SNTG2: variants seen among roughly 807,000 people sequenced by gnomAD.
SNTG2 encodes syntrophin gamma 2, also known as gamma-2-syntrophin.
A neutral mutation model predicts 70.9 loss-of-function variants in SNTG2; 74 were observed. The observed-to-expected ratio is 1.04, with a 90% confidence interval of 0.86 to 1.27. The LOEUF (loss-of-function observed/expected upper bound fraction) is 1.27. Ranked by LOEUF, SNTG2 falls within the 50% of genes most tolerant of loss-of-function variation. The pLI is 0.00. For missense variants in SNTG2, 717 were observed against 690.7 expected (o/e 1.04, Z -0.43); for synonymous variants, 278 against 273.8 (o/e 1.02, Z -0.15).
intron 1 of SNTG2, among the ~76,000 whole-genome samples, chr2:970,513 G>A (rs1200381222): frequency 1.4e-4 from 20 of 142,986 alleles, no homozygotes; most frequent in East Asian, 8.2e-4. Flanking sequence ...GTGAGAATAC[G>A]CGGTGTTTGG....
At chr2:1,216,709 G>C (rs1226816307) in intron 9 of SNTG2, among the ~76,000 whole-genome samples, 1 of 152,200 alleles carries the variant, frequency 6.6e-6, no homozygotes, top group Non-Finnish European at 1.5e-5. Flanking sequence ...GAGTCCCTCT[G>C]GGTCCTTGTG....
chr2:1,296,449 C>T (rs950071383), intron 14 of SNTG2, among the ~76,000 whole-genome samples: 5 of 152,232 alleles, frequency 3.3e-5, no homozygotes, highest in Admixed American at 1.3e-4. Flanking sequence ...TGCTGGTGAG[C>T]ACGCCGCTAC....
chr2:1,194,246 G>C (rs72768818), intron 8 of SNTG2, among the ~76,000 whole-genome samples: 3,779 of 152,288 alleles, frequency 0.025, 164 homozygotes, highest in African/African-American at 0.084. Context: ...TGGTCAGGAT[G>C]GGGGGAGAAG....
At chr2:1,168,349 G>T (rs57651769) in intron 7 of SNTG2, among the ~76,000 whole-genome samples, 7 of 151,374 alleles carry the variant, frequency 4.6e-5, no homozygotes, top group African/African-American at 1.5e-4. Context: ...CTAACAGAGC[G>T]CCCTGGAACA....
At chr2:1,110,882 C>T (rs536897574) in intron 4 of SNTG2, among the ~76,000 whole-genome samples, 9 of 152,314 alleles carry the variant, frequency 5.9e-5, no homozygotes, top group Non-Finnish European at 7.4e-5. Flanking sequence ...CTATTTTAGA[C>T]GGTTGAACCT....
intron 4 of SNTG2, among the ~76,000 whole-genome samples, chr2:1,132,626 G>A (rs1268203775): frequency 6.6e-6 from 1 of 152,192 alleles, no homozygotes; most frequent in Non-Finnish European, 1.5e-5. Flanking sequence ...AGGGATTGAG[G>A]GGGTGACTCT....
At chr2:1,319,623 G>T (rs1435082442) in intron 16 of SNTG2, among the ~76,000 whole-genome samples, 1 of 152,212 alleles carries the variant, frequency 6.6e-6, no homozygotes, top group Non-Finnish European at 1.5e-5. Context: ...TGGGCTCTGT[G>T]CAGGCAAGGG....
chr2:1,219,744 G>A (rs1290559248), intron 9 of SNTG2: 2 of 152,050 alleles, frequency 1.3e-5, no homozygotes, highest in Non-Finnish European at 2.9e-5. Flanking sequence ...AGAGGGAAAG[G>A]GAGGGAGTTA....
intron 1 of SNTG2, among the ~76,000 whole-genome samples, chr2:983,208 A>AGGATGCAGAAGCTGCAGAGGTGGAGGTCG (rs1558293281): frequency 1.1e-4 from 10 of 93,936 alleles, no homozygotes; most frequent in African/African-American, 1.2e-4. Context: ...GGTGGTGGTC[A>AGGATGCAGAAGCTGCAGAGGTGGAGGTCG]GGATGCAGAA....
intron 4 of SNTG2, among the ~76,000 whole-genome samples, chr2:1,111,552 G>C (rs768204065): frequency 2.0e-5 from 3 of 152,212 alleles, no homozygotes; most frequent in Admixed American, 6.5e-5. Flanking sequence ...CTCAAGTTCA[G>C]CCAGTGTTAT....
intron 16 of SNTG2, among the ~76,000 whole-genome samples, chr2:1,349,207 G>A (rs190179267): frequency 6.6e-6 from 1 of 152,152 alleles, no homozygotes; most frequent in Non-Finnish European, 1.5e-5. Flanking sequence ...TTCCTGGTTG[G>A]GGGGGTCACT....
intron 8 of SNTG2, among the ~76,000 whole-genome samples, chr2:1,183,545 G>C (rs924634696): frequency 2.6e-5 from 4 of 152,214 alleles, no homozygotes; most frequent in African/African-American, 9.6e-5. Flanking sequence ...AGGCTGGACA[G>C]ATAGAGAATA....
At chr2:1,325,110 T>C (rs964947914) in intron 16 of SNTG2, among the ~76,000 whole-genome samples, 1 of 152,208 alleles carries the variant, frequency 6.6e-6, no homozygotes, top group African/African-American at 2.4e-5. Flanking sequence ...CTCAAGGCAG[T>C]CTGGTTATAT....
intron 1 of SNTG2, among the ~76,000 whole-genome samples, chr2:958,019 T>TA (rs1308401688): frequency 6.6e-6 from 1 of 152,140 alleles, no homozygotes; most frequent in East Asian, 1.9e-4. Context: ...GGTTAGAACT[T>TA]ACCTAATTGC....
At chr2:1,027,914 T>C in intron 1 of SNTG2, among the ~76,000 whole-genome samples, 1 of 114,088 alleles carries the variant, frequency 8.8e-6, no homozygotes, top group Non-Finnish European at 1.8e-5. Flanking sequence ...CAGGTGCATC[T>C]GACCCACAGA....
chr2:1,233,725 T>C (rs1381422364), intron 9 of SNTG2, among the ~76,000 whole-genome samples: 2 of 152,234 alleles, frequency 1.3e-5, no homozygotes, highest in Non-Finnish European at 2.9e-5. Flanking sequence ...AAAAACTGAA[T>C]TGATTCACTT....
intron 4 of SNTG2, among the ~76,000 whole-genome samples, chr2:1,132,101 C>T (rs1332105968): frequency 1.3e-5 from 2 of 151,982 alleles, no homozygotes; most frequent in Admixed American, 1.3e-4. Flanking sequence ...TTTTACAAAA[C>T]AATAAGTTGA....
chr2:1,322,913 C>T (rs1206678697), intron 16 of SNTG2, among the ~76,000 whole-genome samples: 1 of 152,116 alleles, frequency 6.6e-6, no homozygotes, highest in Non-Finnish European at 1.5e-5. Context: ...AGGCCCAGAT[C>T]CAAGCAGGAA....
At position 1,367,565 on chromosome 2, in the gene SNTG2, G is replaced by C; in HGVS notation, c.*91G>C. 2 of 1,452,116 alleles carry C rather than the reference G, an allele frequency of 1.4e-6. No individual in the cohort carries two copies. The highest frequency in any genetic ancestry group is 1.9e-6 in the Non-Finnish European group (2 of 1,075,674). 90.0% of individuals were successfully genotyped at this position (1,452,116 alleles called of 1,614,324 possible). A position where few individuals can be genotyped will look rare whatever the true frequency, so the allele number is the denominator to read the frequency against. ...ATATTGCAACTTTGTGTTGTTTTAT[G>C]ATGAGCCTATAGTTGTGATACCAAT... On this transcript the variant is annotated 3_prime_UTR_variant, in exon 17 of 17. Transcript: ENST00000308624.
Sources: gnomAD v4.1 joint callset for allele counts (sites outside exome capture counted in the v4.1 genomes callset) on GRCh38, gnomAD v4.1.1 for gene constraint, MANE v1.5 for transcripts, NCBI Gene and HGNC (gene_info 2026-07-23, HGNC 2026-07-21) for gene names.